TESMIN: variants seen among roughly 807,000 people sequenced by gnomAD.
The protein encoded by TESMIN is testis expressed metallothionein like protein, also known as CXC domain containing 2.
Under a neutral mutation model 47.4 loss-of-function variants are expected in TESMIN, and 34 were observed. The ratio of observed to expected loss-of-function variants is 0.72; its 90% CI spans 0.55 to 0.96. The LOEUF (loss-of-function observed/expected upper bound fraction) is 0.96. Ranked by LOEUF, TESMIN falls within the 40% of genes least tolerant of loss-of-function variation. TESMIN has a pLI of 0.00. For synonymous variants in TESMIN, 278 were observed against 258.9 expected (o/e 1.07, Z -0.71); for missense variants, 610 against 637.2 (o/e 0.96, Z 0.46).
chr11:68,707,660 T>C lies in TESMIN; in HGVS notation c.*648A>G, dbSNP rs1946011884. 3.6e-6 allele frequency: 1 copy of C among 281,154 alleles called. No homozygotes were observed. Among genetic ancestry groups the C allele is most frequent in the African/African-American group, 2.2e-5 (1 of 46,160 alleles). 17.4% of individuals were successfully genotyped at this position (281,154 alleles called of 1,614,324 possible). ...ACAGAAGAAACTGGATAATTTTAAG[T>C]CCTCTAACTCAAGACATGCTGGTGC... On this transcript the variant is annotated 3_prime_UTR_variant, in exon 10 of 10. Transcript: ENST00000255087.
intron 5 of TESMIN, among the ~76,000 whole-genome samples, chr11:68,740,968 A>T (rs1215881755): frequency 1.5e-4 from 23 of 152,096 alleles, no homozygotes. Flanking sequence ...CCAATCATCC[A>T]GGCTGAAAAC....
At chr11:68,747,401 T>C (rs1566328102) in intron 2 of TESMIN, 35 bp from the exon 3 acceptor site, 2 of 1,552,524 alleles carry the variant, frequency 1.3e-6, no homozygotes, top group African/African-American at 1.4e-5. Flanking sequence ...AGAGAACACA[T>C]GGTGGACACT....
Position 68,713,394 on chromosome 11 carries a change from C to A in TESMIN, c.1034G>T (p.Arg345Ile), listed in dbSNP as rs1484346262. 1.2e-6 allele frequency: 2 copies of A among 1,614,152 alleles called. No individual in the cohort carries two copies. The highest frequency in any genetic ancestry group is 1.7e-6 in the Non-Finnish European group (2 of 1,180,028). ...RFKAIKACLGRNPEAFQPKIG... is the reference protein window; with the variant it reads ...RFKAIKACLGINPEAFQPKIG... ...TTTTGGCTGGAAAGCTTCTGGATTT[C>A]TACCAAGACATGCCTAGGGTAGAAT... Residue 345 changes from arginine (R) to isoleucine (I), a missense_variant, in exon 8 of 10, where the codon AGA becomes ATA. Arg to Ile is a moderately conservative substitution (Grantham distance 97, BLOSUM62 -3). Transcript: ENST00000255087.
chr11:68,720,561 T>C (rs1946192756), intron 6 of TESMIN, among the ~76,000 whole-genome samples: 1 of 152,166 alleles, frequency 6.6e-6, no homozygotes, highest in South Asian at 2.1e-4. Context: ...CAGAAATCTC[T>C]ATCTTCAATT....
intron 6 of TESMIN, among the ~76,000 whole-genome samples, chr11:68,716,828 C>T (rs866779217): frequency 5.1e-4 from 77 of 152,344 alleles, no homozygotes; most frequent in African/African-American, 1.8e-3. Flanking sequence ...ACCTATGACC[C>T]GCGCCCCAGA....
In TESMIN at chr11:68,750,690, G is replaced by A; in HGVS notation, c.-30C>T. The A allele has an allele frequency of 7.0e-7, 1 of 1,437,576 alleles. No individual in the cohort carries two copies. The highest frequency in any genetic ancestry group is 9.2e-7 in the Non-Finnish European group (1 of 1,090,392). 89.1% of individuals were successfully genotyped at this position (1,437,576 alleles called of 1,614,324 possible). On this transcript the variant is annotated 5_prime_UTR_variant, in exon 2 of 10. Coordinates refer to ENST00000255087, the MANE Select transcript of TESMIN (RefSeq NM_004923.3). ...CAGGGCGGCGGGGCGGGATGGCGGG[G>A]GCCGCGCACCTGCAACACGCGGCCA... is the stretch of plus-strand genomic sequence containing the variant.
At chr11:68,714,020 C>T (rs1009701621) in intron 7 of TESMIN, among the ~76,000 whole-genome samples, 5 of 152,214 alleles carry the variant, frequency 3.3e-5, no homozygotes, top group South Asian at 2.1e-4. Flanking sequence ...GCAATACACA[C>T]GATATGTTAT....
At chr11:68,723,089 A>G (rs1442908335) in intron 6 of TESMIN, among the ~76,000 whole-genome samples, 1 of 152,146 alleles carries the variant, frequency 6.6e-6, no homozygotes, top group East Asian at 1.9e-4. Context: ...CAAATAGAGA[A>G]TATACATGTT....
chr11:68,708,452 G>A lies in TESMIN; in HGVS notation c.1383C>T (p.Ala461=). 1 of 1,613,928 alleles carries A rather than the reference G, an allele frequency of 6.2e-7. No homozygotes were observed. Among genetic ancestry groups the A allele is most frequent in the South Asian group, 1.1e-5 (1 of 91,054 alleles). ...ISWEVVEATC[A]CLLAQGEEAE... ...CCTCTTCTCCCTGAGCAAGCAGGCAGGCGCATGTGGCCTCCACCACCTCCC... is the reference window on the plus strand; with the variant it reads ...CCTCTTCTCCCTGAGCAAGCAGGCAAGCGCATGTGGCCTCCACCACCTCCC... The change falls in exon 10 of 10, where the codon GCC becomes GCT. Residue 461 remains alanine (A), a synonymous_variant. Transcript: ENST00000255087.
intron 6 of TESMIN, among the ~76,000 whole-genome samples, chr11:68,734,969 AC>A (rs1011710335): frequency 6.6e-6 from 1 of 151,944 alleles, no homozygotes; most frequent in African/African-American, 2.4e-5. Context: ...CTGTTTAGTG[AC>A]CCATCCCACT....
downstream of TESMIN, among the ~76,000 whole-genome samples, chr11:68,706,258 G>C (rs977848644): frequency 1.3e-5 from 2 of 152,176 alleles, no homozygotes; most frequent in African/African-American, 4.8e-5. Flanking sequence ...TTCCCTGCAA[G>C]TGGCACCTAC....
chr11:68,719,753 TAAAG>T (rs1185667209), intron 6 of TESMIN, among the ~76,000 whole-genome samples: 2 of 152,100 alleles, frequency 1.3e-5, no homozygotes, highest in Non-Finnish European at 2.9e-5. Flanking sequence ...GAATAAAAGA[TAAAG>T]AAATTAGTCT....
chr11:68,745,399 G>T lies in TESMIN; in HGVS notation c.631-288C>A, dbSNP rs117329991. Among the ~76,000 whole-genome samples, 1,219 of 152,140 alleles carry T rather than the reference G, an allele frequency of 8.0e-3. 10 individuals carry two copies. The highest frequency in any genetic ancestry group is 0.014 in the Admixed American group (208 of 15,282). On this transcript the variant is annotated intron_variant, in intron 3 of 9. Coordinates refer to ENST00000255087, the MANE Select transcript of TESMIN (RefSeq NM_004923.3). Reference sequence around the variant, plus strand: ...TTCCTGTGCCTGGCTTTCTCCACAGGTGTCTGATTTAGTTGGGGATCAGGT... The same window carrying T: ...TTCCTGTGCCTGGCTTTCTCCACAGTTGTCTGATTTAGTTGGGGATCAGGT...
At chr11:68,740,358 A>T (rs147743196) in intron 5 of TESMIN, among the ~76,000 whole-genome samples, 174 of 152,290 alleles carry the variant, frequency 1.1e-3, no homozygotes, top group African/African-American at 3.7e-3. Context: ...TTGCTAAAAG[A>T]ATTGTCCTTG....
At chr11:68,726,913 A>G (rs1946270757) in intron 6 of TESMIN, among the ~76,000 whole-genome samples, 1 of 151,512 alleles carries the variant, frequency 6.6e-6, no homozygotes, top group Non-Finnish European at 1.5e-5. Flanking sequence ...CCCTATTTCT[A>G]AAAAAAATAA....
chr11:68,741,605 G>A (rs1457429262), intron 5 of TESMIN, among the ~76,000 whole-genome samples: 1 of 152,198 alleles, frequency 6.6e-6, no homozygotes, highest in Non-Finnish European at 1.5e-5. Context: ...TTACCTCACA[G>A]ATCAGTGCCT....
chr11:68,750,256 CG>C lies in TESMIN; in HGVS notation c.404del (p.Pro135ArgfsTer21). 1.3e-6 allele frequency: 2 copies of C among 1,541,666 alleles called. No homozygotes were observed. Among genetic ancestry groups the C allele is most frequent in the African/African-American group, 1.4e-5 (1 of 70,656 alleles). ...LSSLLPAHRS[P>X]AVLPLGAWVL... The stretch of plus-strand genomic sequence containing the variant: ...CCCAGGCGCCCAGGGGCAACACCGC[CG>C]GGCTGCGGTGCGCGGGTAGCAGCGA... On this transcript the variant is annotated frameshift_variant, in exon 2 of 10. Coordinates refer to ENST00000255087, the MANE Select transcript of TESMIN (RefSeq NM_004923.3). LOFTEE classifies it high-confidence loss of function.
chr11:68,735,244 G>A (rs2153992067), intron 6 of TESMIN, among the ~76,000 whole-genome samples: 1 of 152,340 alleles, frequency 6.6e-6, no homozygotes, highest in East Asian at 1.9e-4. Context: ...CAGAGGGGGG[G>A]CTCTGACAGC....
In TESMIN at chr11:68,737,201, C is replaced by T. The variant is rs192064668; in HGVS notation, c.917+1499G>A. On this transcript the variant is annotated intron_variant, in intron 6 of 9. Transcript: ENST00000255087. ...ACAGCCATGATGAGATGACCAATTA[C>T]AATCATAGCAACTGCACCCTCACCG... 13 of 985,364 alleles carry T rather than the reference C, an allele frequency of 1.3e-5. No homozygotes were observed. The African/African-American group carries it at 2.3e-4, about 17-fold the overall frequency. 61.0% of individuals were successfully genotyped at this position (985,364 alleles called of 1,614,324 possible).
Sources: gnomAD v4.1 joint callset for allele counts (sites outside exome capture counted in the v4.1 genomes callset) on GRCh38, gnomAD v4.1.1 for gene constraint, MANE v1.5 for transcripts, NCBI Gene and HGNC (gene_info 2026-07-23, HGNC 2026-07-21) for gene names.